Variants in FRMPD4 observed in about 807,000 individuals in gnomAD.
The protein encoded by FRMPD4 is FERM and PDZ domain-containing protein 4.
FRMPD4 carries 22 observed loss-of-function variants against 94.1 expected under a neutral mutation model. The ratio of observed to expected loss-of-function variants is 0.23; its 90% CI spans 0.17 to 0.33. The LOEUF (loss-of-function observed/expected upper bound fraction) is 0.33. FRMPD4 is among the 10% of genes least tolerant of loss of function. FRMPD4 has a pLI of 1.00. For missense variants in FRMPD4, 1,111 were observed against 1,339.9 expected (o/e 0.83, Z 2.67); for synonymous variants, 631 against 548.6 (o/e 1.15, Z -2.10).
Position 12,722,988 on chromosome X carries a change from C to CA in FRMPD4, c.*1134dup, listed in dbSNP as rs1421393201. 2 of 110,944 alleles carry CA rather than the reference C, an allele frequency of 1.8e-5. No individual in the cohort carries two copies. The highest frequency in any genetic ancestry group is 3.8e-5 in the Non-Finnish European group (2 of 53,016). The allele number at this position is 110,944 out of a possible 1,213,427, so 9.1% of individuals were successfully genotyped here. On this transcript the variant is annotated 3_prime_UTR_variant, in exon 17 of 17. Transcript: ENST00000675598. ...TTGGAATTATAGCGTAGTACTGGGACAAAATCTCAAATCTTGGATGTTCCA... is the reference window on the plus strand; with the variant it reads ...TTGGAATTATAGCGTAGTACTGGGACAAAAATCTCAAATCTTGGATGTTCCA...
chrX:12,066,871 G>GTTTTTTTTTTTTTTTTTTT (rs201251837), intron 3 of FRMPD4, among the ~76,000 whole-genome samples: 1 of 100,073 alleles, frequency 1.0e-5, no homozygotes, highest in Non-Finnish European at 2.0e-5. Flanking sequence ...TTTTGTTTTT[G>GTTTTTTTTTTTTTTTTTTT]TTTTTGTTTT....
chrX:12,600,646 C>T (rs1016607450), intron 2 of FRMPD4, among the ~76,000 whole-genome samples: 1 of 112,081 alleles, frequency 8.9e-6, no homozygotes, highest in African/African-American at 3.2e-5. Flanking sequence ...CTTTGTCAGA[C>T]AAAAGATTTT....
chrX:12,271,639 C>T (rs1011284215), intron 1 of FRMPD4, among the ~76,000 whole-genome samples: 6 of 112,110 alleles, frequency 5.4e-5, no homozygotes, highest in Non-Finnish European at 1.1e-4. Flanking sequence ...TAAAGCAGAG[C>T]AGATTTTCTT....
intron 1 of FRMPD4, among the ~76,000 whole-genome samples, chrX:12,475,044 A>G (rs1010648117): frequency 8.9e-6 from 1 of 112,068 alleles, no homozygotes. Context: ...CCTGATGAAC[A>G]TTGATGCAAA....
At chrX:12,007,050 T>C (rs1210490432) in intron 3 of FRMPD4, among the ~76,000 whole-genome samples, 1 of 112,060 alleles carries the variant, frequency 8.9e-6, no homozygotes, top group African/African-American at 3.2e-5. Flanking sequence ...GTGGGCTTCG[T>C]GATTGCTTAA....
At position 11,874,176 on chromosome X, in the gene FRMPD4, G is replaced by A. The variant is rs1211325284; in HGVS notation, c.-29-3719G>A. Among the ~76,000 whole-genome samples the A allele has an allele frequency of 4.5e-5, 5 of 112,103 alleles. No individual in the cohort carries two copies. The East Asian group carries it at 1.4e-3, about 31-fold the overall frequency. ...ACAACTATTTTATTTTTTGAGACAG[G>A]GTCTCGCTCTGTTACTCAGGCTGGA... On this transcript the variant is annotated intron_variant, in intron 2 of 18. Coordinates refer to the FRMPD4 transcript ENST00000640291.
chrX:12,202,279 T>C (rs2056639884), intron 1 of FRMPD4, among the ~76,000 whole-genome samples: 1 of 112,212 alleles, frequency 8.9e-6, no homozygotes, highest in African/African-American at 3.2e-5. Context: ...CTCTTGCTCT[T>C]CTTTAGCTCA....
intron 1 of FRMPD4, among the ~76,000 whole-genome samples, chrX:12,355,445 G>A (rs929121868): frequency 1.8e-4 from 20 of 112,394 alleles, no homozygotes; most frequent in Middle Eastern, 4.6e-3. Flanking sequence ...CTCCAAAAAT[G>A]CTGGAATTTC....
chrX:11,932,860 C>G (rs1172162982), intron 3 of FRMPD4, among the ~76,000 whole-genome samples: 5 of 110,997 alleles, frequency 4.5e-5, no homozygotes, highest in Non-Finnish European at 7.5e-5. Flanking sequence ...ACCAGAGTGG[C>G]CTGTCGCGAC....
In FRMPD4 at chrX:12,718,632, C is replaced by T. The variant is rs1780891371; in HGVS notation, c.3806C>T (p.Pro1269Leu). The T allele has an allele frequency of 8.3e-7, 1 of 1,210,474 alleles. No individual in the cohort carries two copies. Among genetic ancestry groups the T allele is most frequent in the Non-Finnish European group, 1.1e-6 (1 of 894,285 alleles). ...TCAGAGGAGAGAGCCCCTGGGCTTC[C>T]CAACCACGGAGCCACCTTTAAGGAA... ...IPSEERAPGLPNHGATFKELH... is the reference protein window; with the variant it reads ...IPSEERAPGLLNHGATFKELH... Residue 1269 changes from proline to leucine, a missense_variant, in exon 16 of 17, where the codon CCC becomes CTC. Physicochemically the swap from Pro to Leu is moderately conservative, Grantham distance 98. Coordinates refer to ENST00000675598, the MANE Select transcript of FRMPD4 (RefSeq NM_001368397.1).
At chrX:12,522,924 T>G (rs2058180652) in intron 2 of FRMPD4, among the ~76,000 whole-genome samples, 1 of 112,136 alleles carries the variant, frequency 8.9e-6, no homozygotes, top group African/African-American at 3.2e-5. Context: ...GTCTAATGCC[T>G]ATTTTACAAT....
chrX:12,097,233 G>A (rs899912898), intron 3 of FRMPD4, among the ~76,000 whole-genome samples: 6 of 111,767 alleles, frequency 5.4e-5, no homozygotes, highest in African/African-American at 1.6e-4. Flanking sequence ...GAGAATGTTA[G>A]AACTGGAAGG....
intron 1 of FRMPD4, among the ~76,000 whole-genome samples, chrX:11,837,637 A>G (rs1210104700): frequency 9.0e-6 from 1 of 111,412 alleles, no homozygotes; most frequent in Non-Finnish European, 1.9e-5. Flanking sequence ...TGCATGTCAG[A>G]CTCTTCAAAC....
chrX:11,967,378 A>G (rs1036715967), intron 3 of FRMPD4, among the ~76,000 whole-genome samples: 3 of 112,595 alleles, frequency 2.7e-5, no homozygotes, highest in African/African-American at 9.7e-5. Flanking sequence ...CACTGTTATA[A>G]GACGAGGCAT....
chrX:12,664,499 T>C (rs1032193709), intron 4 of FRMPD4, among the ~76,000 whole-genome samples: 1 of 112,188 alleles, frequency 8.9e-6, no homozygotes. Context: ...ATATGATGGA[T>C]TACATTTATT....
chrX:11,961,177 G>T (rs1298197564), intron 3 of FRMPD4, among the ~76,000 whole-genome samples: 3 of 111,960 alleles, frequency 2.7e-5, no homozygotes, highest in Non-Finnish European at 3.8e-5. Flanking sequence ...CTGAAGCTGG[G>T]CCTACTGGAA....
At chrX:12,153,112 A>G (rs1185450400) in intron 1 of FRMPD4, among the ~76,000 whole-genome samples, 2 of 109,157 alleles carry the variant, frequency 1.8e-5, no homozygotes, top group East Asian at 5.7e-4. Flanking sequence ...TTTTTTTTGT[A>G]TTTTTAGTAG....
At chrX:12,358,873 T>G (rs1314353590) in intron 1 of FRMPD4, among the ~76,000 whole-genome samples, 1 of 112,306 alleles carries the variant, frequency 8.9e-6, no homozygotes, top group Admixed American at 9.4e-5. Flanking sequence ...ATCATTTGAT[T>G]TATGCCTCAC....
intron 3 of FRMPD4, among the ~76,000 whole-genome samples, chrX:11,951,419 G>T (rs762998204): frequency 8.9e-6 from 1 of 112,089 alleles, no homozygotes; most frequent in South Asian, 3.7e-4. Flanking sequence ...CCATAAAAAA[G>T]AATGAGATTA....
Sources: allele counts gnomAD v4.1 joint callset (sites outside exome capture counted in the v4.1 genomes callset), GRCh38; gene constraint gnomAD v4.1.1; transcripts MANE v1.5; gene names NCBI Gene and HGNC (gene_info 2026-07-23, HGNC 2026-07-21).